GPC5: variants seen among roughly 807,000 people sequenced by gnomAD.
The protein encoded by GPC5 is glypican 5, also known as glypican-5.
GPC5 carries 47 observed loss-of-function variants against 53.9 expected under a neutral mutation model. The ratio of observed to expected loss-of-function variants is 0.87; its 90% CI spans 0.69 to 1.11. GPC5 has a LOEUF of 1.11. Ranked by LOEUF, GPC5 falls within the 50% of genes most tolerant of loss-of-function variation. The probability of loss-of-function intolerance (pLI) is 0.00; values close to 1 mark genes in which losing one functional copy is unlikely to be tolerated. For missense variants in GPC5, 748 were observed against 713.1 expected, an observed-to-expected ratio of 1.05 and a Z score of -0.56; for synonymous variants, 286 against 263.3, an observed-to-expected ratio of 1.09 and a Z score of -0.84.
intron 7 of GPC5, chr13:92,240,815 G>GT (rs1425661154): frequency 2.6e-5 from 4 of 152,056 alleles, no homozygotes; most frequent in South Asian, 4.1e-4. Flanking sequence ...TCCTTTGGAG[G>GT]TTTTTAAAAA....
At chr13:92,145,729 T>G (rs1012275072) in intron 7 of GPC5, among the ~76,000 whole-genome samples, 7 of 152,156 alleles carry the variant, frequency 4.6e-5, no homozygotes, top group Admixed American at 2.6e-4. Context: ...TAAATGTTGA[T>G]GTACCTAGAA....
intron 6 of GPC5, among the ~76,000 whole-genome samples, chr13:92,067,769 A>G (rs571212330): frequency 6.6e-6 from 1 of 151,998 alleles, no homozygotes; most frequent in Non-Finnish European, 1.5e-5. Flanking sequence ...TCCATCTCAC[A>G]CATGTATCTG....
chr13:91,967,781 A>G (rs1290685386), intron 6 of GPC5, among the ~76,000 whole-genome samples: 1 of 152,108 alleles, frequency 6.6e-6, no homozygotes, highest in Non-Finnish European at 1.5e-5. Flanking sequence ...AAGTTTCTTA[A>G]TATTTATTAG....
rs1883771197 is a variant in GPC5, at chr13:91,488,918, G to A, written c.325+39996G>A. 2.0e-5 allele frequency among the ~76,000 whole-genome samples: 3 copies of A among 152,188 alleles called. No homozygotes were observed. In the South Asian group the frequency reaches 6.2e-4, roughly 31 times the overall value. Reference sequence around the variant, plus strand: ...AAAGAGAATGTGTCCCTGAGGGGAGGCCTCGAAAATGGCCGCTTTGGGGGC... The same window carrying A: ...AAAGAGAATGTGTCCCTGAGGGGAGACCTCGAAAATGGCCGCTTTGGGGGC... On this transcript the variant is annotated intron_variant, in intron 2 of 7. Coordinates refer to ENST00000377067, the MANE Select transcript of GPC5 (RefSeq NM_004466.6).
chr13:92,313,540 G>A (rs1478633117), intron 7 of GPC5, among the ~76,000 whole-genome samples: 1 of 152,160 alleles, frequency 6.6e-6, no homozygotes, highest in East Asian at 1.9e-4. Context: ...CAGAAGTTGA[G>A]GTTCTTTTTT....
chr13:92,082,284 C>T (rs1031831895), intron 6 of GPC5, among the ~76,000 whole-genome samples: 25 of 152,044 alleles, frequency 1.6e-4, no homozygotes, highest in Non-Finnish European at 2.9e-4. Context: ...ATTTGTTGTA[C>T]TGTTCTTTTA....
intron 7 of GPC5, among the ~76,000 whole-genome samples, chr13:92,296,082 A>T (rs77147624): frequency 0.019 from 2,937 of 152,036 alleles, 58 homozygotes; most frequent in African/African-American, 0.052. Flanking sequence ...CTTTAGAGAG[A>T]TTCTATTTTG....
chr13:92,275,761 G>A (rs963620236), intron 7 of GPC5, among the ~76,000 whole-genome samples: 4 of 152,006 alleles, frequency 2.6e-5, no homozygotes, highest in Non-Finnish European at 5.9e-5. Context: ...TGTATCCATC[G>A]TTACCAAGGA....
At chr13:92,854,423 G>A (rs983823598) in intron 7 of GPC5, among the ~76,000 whole-genome samples, 9 of 150,284 alleles carry the variant, frequency 6.0e-5, no homozygotes, top group African/African-American at 2.2e-4. Flanking sequence ...TTAATTTCAA[G>A]CCAATGCAAT....
At chr13:91,994,132 T>C (rs2040482909) in intron 6 of GPC5, among the ~76,000 whole-genome samples, 1 of 152,202 alleles carries the variant, frequency 6.6e-6, no homozygotes, top group African/African-American at 2.4e-5. Context: ...ACTAGTGGTG[T>C]GTTCAGAGGA....
chr13:91,960,967 G>A (rs60439894), intron 6 of GPC5, among the ~76,000 whole-genome samples: 4,431 of 151,216 alleles, frequency 0.029, 196 homozygotes, highest in African/African-American at 0.1. Context: ...AACACTCCAG[G>A]ATATGAGTCT....
chr13:91,532,376 A>T (rs932878056), intron 2 of GPC5, among the ~76,000 whole-genome samples: 2 of 152,208 alleles, frequency 1.3e-5, no homozygotes, highest in Admixed American at 1.3e-4. Flanking sequence ...TGCAGCTTTC[A>T]TCTCATTTAT....
intron 2 of GPC5, among the ~76,000 whole-genome samples, chr13:91,465,798 C>A (rs757889327): frequency 7.9e-5 from 12 of 151,968 alleles, no homozygotes; most frequent in African/African-American, 1.9e-4. Context: ...CTCTGTGATT[C>A]TTTTGAATAT....
At chr13:92,525,428 A>T (rs1293196106) in intron 7 of GPC5, among the ~76,000 whole-genome samples, 1 of 111,976 alleles carries the variant, frequency 8.9e-6, no homozygotes, top group Non-Finnish European at 2.0e-5. Context: ...TCAGAAGTAG[A>T]TAGATTCAAG....
At chr13:91,737,122 G>A (rs2140050483) in intron 4 of GPC5, among the ~76,000 whole-genome samples, 1 of 151,412 alleles carries the variant, frequency 6.6e-6, no homozygotes, top group African/African-American at 2.5e-5. Context: ...TTTTAAAAGG[G>A]TTAAAGCAGA....
At chr13:92,245,787 C>T (rs75481358) in intron 7 of GPC5, among the ~76,000 whole-genome samples, 6,098 of 151,918 alleles carry the variant, frequency 0.04, 419 homozygotes, top group African/African-American at 0.14. Flanking sequence ...CTAATGGATC[C>T]CAGACTCACT....
At chr13:92,515,500 G>A (rs1309386131) in intron 7 of GPC5, among the ~76,000 whole-genome samples, 1 of 152,146 alleles carries the variant, frequency 6.6e-6, no homozygotes, top group African/African-American at 2.4e-5. Flanking sequence ...TGGGAAGGTG[G>A]CATTTTTGTT....
intron 7 of GPC5, among the ~76,000 whole-genome samples, chr13:92,334,875 G>A (rs2043311762): frequency 6.6e-6 from 1 of 152,142 alleles, no homozygotes; most frequent in Admixed American, 6.5e-5. Flanking sequence ...CCATGGCCTT[G>A]GGAAGCTCTG....
intron 7 of GPC5, among the ~76,000 whole-genome samples, chr13:92,307,979 G>T (rs967817127): frequency 6.6e-6 from 1 of 152,136 alleles, no homozygotes; most frequent in African/African-American, 2.4e-5. Flanking sequence ...CAGATGGAGA[G>T]TGACAGCTGA....
Sources: gnomAD v4.1 joint callset for allele counts (sites outside exome capture counted in the v4.1 genomes callset) on GRCh38, gnomAD v4.1.1 for gene constraint, MANE v1.5 for transcripts, NCBI Gene and HGNC (gene_info 2026-07-23, HGNC 2026-07-21) for gene names.